The following MRPS6 variants were observed in gnomAD, a reference collection of about 807,000 sequenced individuals.
MRPS6 encodes small ribosomal subunit protein bS6m.
MRPS6 carries 6 observed loss-of-function variants against 13.1 expected under a neutral mutation model. That is an observed-to-expected ratio of 0.46 (90% CI 0.25 to 0.91). The LOEUF (loss-of-function observed/expected upper bound fraction) is 0.91. Ranked by LOEUF, MRPS6 falls within the 40% of genes least tolerant of loss-of-function variation. MRPS6 has a pLI of 0.18. For missense variants in MRPS6, 164 were observed against 155.6 expected (o/e 1.05, Z -0.29); for synonymous variants, 61 against 56.5 (o/e 1.08, Z -0.36).
At chr21:34,138,951 T>C (rs1980804333) in intron 2 of MRPS6, among the ~76,000 whole-genome samples, 1 of 151,654 alleles carries the variant, frequency 6.6e-6, no homozygotes. Flanking sequence ...TGTCCAACAA[T>C]GATAGACTGG....
intron 1 of MRPS6, among the ~76,000 whole-genome samples, chr21:34,086,861 G>T (rs1978414602): frequency 6.6e-6 from 1 of 152,170 alleles, no homozygotes; most frequent in Non-Finnish European, 1.5e-5. Flanking sequence ...TGACATCAGG[G>T]TGCTTGGGTT....
At chr21:34,104,142 G>C in intron 1 of MRPS6, 2 of 999,672 alleles carry the variant, frequency 2.0e-6, no homozygotes, top group Non-Finnish European at 2.4e-6. Context: ...TCCTATACTT[G>C]ACTGTGCTTC....
chr21:34,118,839 C>T (rs1377999474), intron 1 of MRPS6, among the ~76,000 whole-genome samples: 7 of 152,002 alleles, frequency 4.6e-5, no homozygotes, highest in South Asian at 2.1e-4. Context: ...TAAAAATGGC[C>T]TATATAATAT....
chr21:34,130,492 TG>T (rs1980465122), intron 2 of MRPS6, among the ~76,000 whole-genome samples: 1 of 152,126 alleles, frequency 6.6e-6, no homozygotes, highest in African/African-American at 2.4e-5. Flanking sequence ...GGAGTGTTTT[TG>T]GTGGCATTGT....
rs994552279 is a variant in MRPS6 at position 34,103,616 on chromosome 21, A to G, written c.46-21725A>G. On this transcript the variant is annotated intron_variant, in intron 1 of 2. Transcript: ENST00000399312. ...ATTAGTGTACCCACACATAGAAAGC[A>G]CAAGACTAATAGTATTCTCTGTATC... 4.0e-6 allele frequency: 4 copies of G among 1,000,062 alleles called. No individual in the cohort carries two copies. The African/African-American group carries it at 7.0e-5, about 17-fold the overall frequency. 61.9% of individuals were successfully genotyped at this position (1,000,062 alleles called of 1,614,324 possible).
At chr21:34,074,997 G>A (rs1478691615) in intron 1 of MRPS6, among the ~76,000 whole-genome samples, 1 of 152,222 alleles carries the variant, frequency 6.6e-6, no homozygotes, top group African/African-American at 2.4e-5. Flanking sequence ...CATGGATTTG[G>A]AAGAAGTTAA....
chr21:34,098,622 T>C, intron 1 of MRPS6: 1 of 1,000,290 alleles, frequency 1.0e-6, no homozygotes, highest in Non-Finnish European at 1.2e-6. Flanking sequence ...AGTCTTTCTG[T>C]AGGATGGATA....
At chr21:34,088,904 A>G (rs1298517841) in intron 1 of MRPS6, among the ~76,000 whole-genome samples, 1 of 151,918 alleles carries the variant, frequency 6.6e-6, no homozygotes, top group African/African-American at 2.4e-5. Context: ...ATTATTTATA[A>G]CTCACTTATC....
chr21:34,118,227 C>T (rs1234030529), intron 1 of MRPS6, among the ~76,000 whole-genome samples: 1 of 152,004 alleles, frequency 6.6e-6, no homozygotes, highest in Non-Finnish European at 1.5e-5. Context: ...ACTTTGGACT[C>T]CCCAGAAACT....
chr21:34,102,383 TGTTTCC>T (rs1291328516), intron 1 of MRPS6: 9 of 999,232 alleles, frequency 9.0e-6, no homozygotes, highest in African/African-American at 1.7e-5. Context: ...TTTCTGTTTC[TGTTTCC>T]ATCTAAACTT....
At chr21:34,106,528 A>G (rs1049094891) in intron 1 of MRPS6, among the ~76,000 whole-genome samples, 19 of 152,258 alleles carry the variant, frequency 1.2e-4, no homozygotes, top group South Asian at 2.1e-4. Flanking sequence ...ATTTCAAGTT[A>G]TAGGAAAGTT....
chr21:34,103,922 G>A, intron 1 of MRPS6: 1 of 1,000,130 alleles, frequency 1.0e-6, no homozygotes, highest in Non-Finnish European at 1.2e-6. Context: ...CTAGGTTTTT[G>A]GTGGGTGGAA....
Position 34,142,510 on chromosome 21 carries a change from C to T in MRPS6, c.288C>T (p.His96=). 6.2e-7 allele frequency: 1 copy of T among 1,613,466 alleles called. No homozygotes were observed. The highest frequency in any genetic ancestry group is 8.5e-7 in the Non-Finnish European group (1 of 1,179,772). ...TGATTAGAGGGAATATTGTCAAACACCCTCTGACCCAGGAACTAAAAGAAT... is the reference window on the plus strand; with the variant it reads ...TGATTAGAGGGAATATTGTCAAACATCCTCTGACCCAGGAACTAAAAGAAT... ...IDVIRGNIVK[H]PLTQELKECE... Residue 96 remains histidine, a synonymous_variant, in exon 3 of 3, where the codon CAC becomes CAT. Coordinates refer to ENST00000399312, the MANE Select transcript of MRPS6 (RefSeq NM_032476.4).
chr21:34,120,407 T>C (rs1303181915), intron 1 of MRPS6, among the ~76,000 whole-genome samples: 1 of 152,234 alleles, frequency 6.6e-6, no homozygotes, highest in Non-Finnish European at 1.5e-5. Context: ...TTGATTTCTC[T>C]AATTTTTACC....
At chr21:34,136,944 G>GT (rs1047766607) in intron 2 of MRPS6, among the ~76,000 whole-genome samples, 6 of 152,044 alleles carry the variant, frequency 3.9e-5, no homozygotes, top group Admixed American at 1.3e-4. Context: ...AGAAAGTTCG[G>GT]TTTTTTTGCG....
At chr21:34,117,557 A>T (rs1403860110) in intron 1 of MRPS6, among the ~76,000 whole-genome samples, 1 of 152,104 alleles carries the variant, frequency 6.6e-6, no homozygotes. Context: ...TTGGTGTTCC[A>T]TTTCCCTGCG....
At chr21:34,135,612 G>A (rs1474575759) in intron 2 of MRPS6, 8 of 400,296 alleles carry the variant, frequency 2.0e-5, no homozygotes, top group Non-Finnish European at 3.5e-5. Flanking sequence ...GATTCACATG[G>A]TGCAGTGGGG....
chr21:34,129,473 T>C (rs776401487), intron 2 of MRPS6, among the ~76,000 whole-genome samples: 7 of 152,230 alleles, frequency 4.6e-5, no homozygotes, highest in Non-Finnish European at 1.0e-4. Context: ...GTGTTTTTCT[T>C]GCCTGTTTTG....
At chr21:34,113,322 C>A (rs187928847) in intron 1 of MRPS6, among the ~76,000 whole-genome samples, 34 of 152,264 alleles carry the variant, frequency 2.2e-4, no homozygotes, top group African/African-American at 7.9e-4. Flanking sequence ...TGTGGATCAA[C>A]CTAAGTGTCC....
Sources: gnomAD v4.1 joint callset for allele counts (sites outside exome capture counted in the v4.1 genomes callset) on GRCh38, gnomAD v4.1.1 for gene constraint, MANE v1.5 for transcripts, NCBI Gene and HGNC (gene_info 2026-07-23, HGNC 2026-07-21) for gene names.